PEBP4: variants seen among roughly 807,000 people sequenced by gnomAD.
PEBP4 encodes phosphatidylethanolamine binding protein 4, also known as phosphatidylethanolamine-binding protein 4.
Under a neutral mutation model 23.9 loss-of-function variants are expected in PEBP4, and 22 were observed. The ratio of observed to expected loss-of-function variants is 0.92; its 90% CI spans 0.66 to 1.31. PEBP4 has a LOEUF of 1.31. Ranked by LOEUF, PEBP4 falls within the 40% of genes most tolerant of loss-of-function variation. The pLI, the probability that PEBP4 is intolerant of heterozygous loss-of-function variation, is 0.00. For synonymous variants in PEBP4, 112 were observed against 99.3 expected, an observed-to-expected ratio of 1.13 and a Z score of -0.76; for missense variants, 324 against 281.7, an observed-to-expected ratio of 1.15 and a Z score of -1.07.
intron 6 of PEBP4, among the ~76,000 whole-genome samples, chr8:22,721,564 A>C (rs994324771): frequency 6.6e-5 from 10 of 152,146 alleles, no homozygotes; most frequent in Admixed American, 6.5e-4. Context: ...AGGCCTGAAC[A>C]GGATGGGGTT....
intron 4 of PEBP4, among the ~76,000 whole-genome samples, chr8:22,816,661 G>C (rs1806746618): frequency 6.6e-6 from 1 of 152,218 alleles, no homozygotes. Context: ...AGAGGTCACT[G>C]GGTTGGTAGC....
chr8:22,862,345 TA>T (rs1295910478), intron 3 of PEBP4, among the ~76,000 whole-genome samples: 2 of 152,150 alleles, frequency 1.3e-5, no homozygotes, highest in African/African-American at 4.8e-5. Flanking sequence ...CTCGTCTGCA[TA>T]AAAAATGGAA....
At chr8:22,722,239 G>C (rs928952282) in intron 6 of PEBP4, among the ~76,000 whole-genome samples, 3 of 151,776 alleles carry the variant, frequency 2.0e-5, no homozygotes, top group Admixed American at 1.3e-4. Flanking sequence ...TTCACTCAAG[G>C]ATTCAGATCT....
At chr8:22,862,903 T>C (rs932531005) in intron 3 of PEBP4, among the ~76,000 whole-genome samples, 17 of 150,820 alleles carry the variant, frequency 1.1e-4, no homozygotes, top group African/African-American at 3.9e-4. Context: ...CAGGTTCACG[T>C]CATTCTCCTG....
At chr8:22,753,628 C>T (rs1035980273) in intron 4 of PEBP4, among the ~76,000 whole-genome samples, 8 of 152,220 alleles carry the variant, frequency 5.3e-5, no homozygotes, top group African/African-American at 1.9e-4. Context: ...AAGGCAGAGT[C>T]CTCCAGAGTG....
chr8:22,847,351 G>A (rs1191675618), intron 3 of PEBP4, among the ~76,000 whole-genome samples: 1 of 152,148 alleles, frequency 6.6e-6, no homozygotes, highest in Non-Finnish European at 1.5e-5. Flanking sequence ...TTGGAAAAGA[G>A]TCTTCTACTC....
intron 3 of PEBP4, among the ~76,000 whole-genome samples, chr8:22,860,499 G>A (rs1016560926): frequency 6.6e-6 from 1 of 151,984 alleles, no homozygotes; most frequent in Non-Finnish European, 1.5e-5. Context: ...TTTTGTGACT[G>A]GCTTATTTCA....
chr8:22,913,715 C>T (rs570797492), intron 3 of PEBP4, among the ~76,000 whole-genome samples: 3 of 152,202 alleles, frequency 2.0e-5, no homozygotes, highest in East Asian at 1.9e-4. Context: ...CCATTCACAC[C>T]GTTTATCACC....
chr8:22,878,735 T>A (rs1808181470), intron 3 of PEBP4, among the ~76,000 whole-genome samples: 1 of 152,186 alleles, frequency 6.6e-6, no homozygotes, highest in Admixed American at 6.5e-5. Flanking sequence ...AGAGGAGGCT[T>A]GGAGCTCAGG....
intron 3 of PEBP4, among the ~76,000 whole-genome samples, chr8:22,822,881 A>AT (rs1356644816): frequency 6.6e-6 from 1 of 152,084 alleles, no homozygotes; most frequent in Admixed American, 6.5e-5. Context: ...CCTTCAATTA[A>AT]TTTTTTAATC....
chr8:22,784,289 G>A (rs577652007), intron 4 of PEBP4, among the ~76,000 whole-genome samples: 2 of 152,350 alleles, frequency 1.3e-5, no homozygotes, highest in South Asian at 4.1e-4. Context: ...TGGAAGAGGT[G>A]GGGCTTGCGT....
chr8:22,927,005 C>CCGAA (rs1809351322), intron 2 of PEBP4, among the ~76,000 whole-genome samples: 1 of 152,108 alleles, frequency 6.6e-6, no homozygotes, highest in African/African-American at 2.4e-5. Context: ...GAGGAGAGAG[C>CCGAA]CGAACGCCAG....
intron 4 of PEBP4, among the ~76,000 whole-genome samples, chr8:22,805,003 G>A (rs540040993): frequency 9.2e-5 from 14 of 152,084 alleles, no homozygotes; most frequent in African/African-American, 2.9e-4. Context: ...CTTTCTCCCC[G>A]CTCTCCTTCT....
At chr8:22,930,850 G>T (rs1563266066), upstream of PEBP4, among the ~76,000 whole-genome samples, 1 of 151,930 alleles carries the variant, frequency 6.6e-6, no homozygotes, top group Non-Finnish European at 1.5e-5. Flanking sequence ...CACCACCCCG[G>T]CTCCTGGAAA....
chr8:22,742,471 C>G (rs902369110), intron 4 of PEBP4, among the ~76,000 whole-genome samples: 3 of 152,168 alleles, frequency 2.0e-5, no homozygotes, highest in African/African-American at 7.2e-5. Flanking sequence ...TTGGGACTGG[C>G]CCTGGAAGTG....
chr8:22,934,630 A>G (rs1809509104), intron 1 of PEBP4, among the ~76,000 whole-genome samples: 1 of 152,188 alleles, frequency 6.6e-6, no homozygotes, highest in African/African-American at 2.4e-5. Flanking sequence ...TGAGCCTAGG[A>G]GTTTGAGGCC....
intron 5 of PEBP4, 106 bp from the exon 6 acceptor site, chr8:22,725,062 A>G (rs1156418953): frequency 2.0e-5 from 15 of 755,036 alleles, no homozygotes; most frequent in Non-Finnish European, 3.5e-5. Flanking sequence ...GCCCCAGATC[A>G]GCACTCGGCC....
At chr8:22,849,115 A>C (rs1807499783) in intron 3 of PEBP4, among the ~76,000 whole-genome samples, 1 of 152,206 alleles carries the variant, frequency 6.6e-6, no homozygotes, top group South Asian at 2.1e-4. Flanking sequence ...TTCAGCAAGA[A>C]TGGCTGGGTA....
At chr8:22,714,590 TGC>T (rs1212432325) in intron 6 of PEBP4, among the ~76,000 whole-genome samples, 2 of 151,584 alleles carry the variant, frequency 1.3e-5, no homozygotes, top group Non-Finnish European at 2.9e-5. Context: ...GGAGAGAGAG[TGC>T]CTGGGGAAGA....
Sources: gnomAD v4.1 joint callset for allele counts (sites outside exome capture counted in the v4.1 genomes callset) on GRCh38, gnomAD v4.1.1 for gene constraint, MANE v1.5 for transcripts, NCBI Gene and HGNC (gene_info 2026-07-23, HGNC 2026-07-21) for gene names.